The following GRID2 variants were observed in gnomAD, a reference collection of about 807,000 sequenced individuals.
GRID2 encodes the protein glutamate ionotropic receptor delta type subunit 2, also known as glutamate receptor ionotropic, delta-2.
Under a neutral mutation model 114.8 loss-of-function variants are expected in GRID2, and 33 were observed. The ratio of observed to expected loss-of-function variants is 0.29; its 90% confidence interval spans 0.22 to 0.38. The LOEUF is 0.38. GRID2 is among the 10% of genes least tolerant of loss of function. The probability of loss-of-function intolerance (pLI) is 1.00; values close to 1 mark genes in which losing one functional copy is unlikely to be tolerated. For synonymous variants in GRID2, 505 were observed against 449.9 expected (o/e 1.12, Z -1.55); for missense variants, 1,184 against 1,257.7 (o/e 0.94, Z 0.89).
intron 2 of GRID2, among the ~76,000 whole-genome samples, chr4:92,770,450 T>C (rs886983143): frequency 6.6e-6 from 1 of 152,198 alleles, no homozygotes; most frequent in Non-Finnish European, 1.5e-5. Flanking sequence ...TTTGGGTATC[T>C]TTTCAGCAGT....
intron 2 of GRID2, among the ~76,000 whole-genome samples, chr4:92,891,651 A>G (rs1289258946): frequency 6.6e-6 from 1 of 152,198 alleles, no homozygotes; most frequent in Non-Finnish European, 1.5e-5. Flanking sequence ...AGGAAGACGT[A>G]AAATTTTCCT....
rs1167054959 is a variant in GRID2, at chr4:92,937,074, G to A, written c.245-147921G>A. On this transcript the variant is annotated intron_variant, in intron 2 of 15. Transcript: ENST00000282020. Reference sequence around the variant, plus strand: ...CTTGTGAAAGTTCTTTATACTTTCTGCATACTAGGCGGTTATCAGATATAA... The same window carrying A: ...CTTGTGAAAGTTCTTTATACTTTCTACATACTAGGCGGTTATCAGATATAA... Among the ~76,000 whole-genome samples, 2 of 146,232 alleles carry A rather than the reference G, an allele frequency of 1.4e-5. 1 individual carries two copies. The highest frequency in any genetic ancestry group is 4.3e-4 in the East Asian group (2 of 4,622).
chr4:92,720,241 A>C (rs994054601), intron 2 of GRID2, among the ~76,000 whole-genome samples: 70 of 152,226 alleles, frequency 4.6e-4, no homozygotes, highest in African/African-American at 1.6e-3. Flanking sequence ...AGAAAATTAC[A>C]CAGGTAAAAT....
At chr4:93,148,294 A>G (rs1218931672) in intron 4 of GRID2, among the ~76,000 whole-genome samples, 1 of 152,180 alleles carries the variant, frequency 6.6e-6, no homozygotes, top group East Asian at 1.9e-4. Context: ...TGCCAACTTC[A>G]TAAATGGCAC....
At chr4:92,668,696 A>G (rs1261447464) in intron 2 of GRID2, among the ~76,000 whole-genome samples, 1 of 151,848 alleles carries the variant, frequency 6.6e-6, no homozygotes, top group African/African-American at 2.4e-5. Flanking sequence ...CTTTAGCATG[A>G]CTTACCCATC....
At chr4:93,214,028 T>G (rs1743898214) in intron 5 of GRID2, among the ~76,000 whole-genome samples, 1 of 152,060 alleles carries the variant, frequency 6.6e-6, no homozygotes, top group Admixed American at 6.6e-5. Flanking sequence ...GCAATGTTAA[T>G]TCTACTTTTA....
chr4:92,515,235 T>C (rs190462632), intron 1 of GRID2, among the ~76,000 whole-genome samples: 160 of 152,052 alleles, frequency 1.1e-3, no homozygotes, highest in Admixed American at 3.1e-3. Flanking sequence ...TGTTCACCAT[T>C]TTTTATTTCT....
intron 2 of GRID2, among the ~76,000 whole-genome samples, chr4:92,603,490 C>T (rs1729318266): frequency 6.6e-6 from 1 of 152,066 alleles, no homozygotes; most frequent in South Asian, 2.1e-4. Context: ...AACTGGCCAG[C>T]CATACTTAGA....
Position 93,448,237 on chromosome 4 carries a change from C to T in GRID2, c.1546-7425C>T, listed in dbSNP as rs149474508. ...CAGATTTTATTTAAAATTTTCAAAACGTTAACTGGAAAAAAAGGAGTAAAA... is the reference window on the plus strand; with the variant it reads ...CAGATTTTATTTAAAATTTTCAAAATGTTAACTGGAAAAAAAGGAGTAAAA... On this transcript the variant is annotated intron_variant, in intron 10 of 15. Coordinates refer to ENST00000282020, the MANE Select transcript of GRID2 (RefSeq NM_001510.4). Among the ~76,000 whole-genome samples, 258 of 151,354 alleles carry T rather than the reference C, an allele frequency of 1.7e-3. 1 individual carries two copies. Among genetic ancestry groups the T allele is most frequent in the Non-Finnish European group, 2.8e-3 (192 of 67,740 alleles).
At chr4:92,935,831 A>G (rs1484714393) in intron 2 of GRID2, among the ~76,000 whole-genome samples, 1 of 143,138 alleles carries the variant, frequency 7.0e-6, no homozygotes, top group Non-Finnish European at 1.5e-5. Context: ...TGGGAATTGA[A>G]TAATGAGAAC....
intron 2 of GRID2, among the ~76,000 whole-genome samples, chr4:92,653,803 C>T (rs939319204): frequency 1.3e-5 from 2 of 152,046 alleles, no homozygotes; most frequent in African/African-American, 4.8e-5. Context: ...TCAGTGTGGG[C>T]TCATGCCCAA....
intron 11 of GRID2, among the ~76,000 whole-genome samples, chr4:93,481,254 C>A (rs773218112): frequency 4.6e-5 from 7 of 152,004 alleles, no homozygotes; most frequent in Non-Finnish European, 7.4e-5. Flanking sequence ...AGCATTTGTG[C>A]AGAAGAAGGC....
At chr4:92,959,165 G>T (rs1339446284) in intron 2 of GRID2, among the ~76,000 whole-genome samples, 1 of 116,074 alleles carries the variant, frequency 8.6e-6, no homozygotes. Flanking sequence ...TTTCTCTATT[G>T]GCTTCCTGTT....
chr4:93,039,339 G>A (rs868012701), intron 2 of GRID2, among the ~76,000 whole-genome samples: 1 of 151,890 alleles, frequency 6.6e-6, no homozygotes, highest in Admixed American at 6.6e-5. Flanking sequence ...GCTAGGGGAG[G>A]GATAGCATTA....
At chr4:93,146,946 T>G (rs1003994179) in intron 4 of GRID2, among the ~76,000 whole-genome samples, 2 of 152,190 alleles carry the variant, frequency 1.3e-5, no homozygotes, top group Non-Finnish European at 2.9e-5. Context: ...TATTCTTACA[T>G]AATTTTCTAA....
Position 93,110,928 on chromosome 4 carries a change from C to A in GRID2, c.710C>A (p.Ala237Asp). The change falls in exon 4 of 16, where the codon GCT (alanine) becomes GAT (aspartate). Residue 237 changes from alanine to aspartate, a missense_variant. Transcript: ENST00000282020. ...CGAGCGATCCTTGTTATGAATCCTG[C>A]TACAGCCAAATCCTTCATTACTGAG... ...LRRAILVMNP[A>D]TAKSFITEVV... is the part of the protein sequence containing the mutation. The A allele has an allele frequency of 1.2e-6, 2 of 1,610,416 alleles. No homozygotes were observed. Among genetic ancestry groups the A allele is most frequent in the Non-Finnish European group, 1.7e-6 (2 of 1,176,616 alleles).
intron 1 of GRID2, among the ~76,000 whole-genome samples, chr4:92,339,494 C>T (rs187887422): frequency 8.9e-4 from 135 of 152,086 alleles, no homozygotes; most frequent in African/African-American, 3.1e-3. Flanking sequence ...ATATATTTAC[C>T]AGGCATGGTG....
intron 2 of GRID2, among the ~76,000 whole-genome samples, chr4:93,040,585 A>C (rs1725417402): frequency 6.6e-6 from 1 of 152,114 alleles, no homozygotes; most frequent in South Asian, 2.1e-4. Context: ...ATATCATATT[A>C]ATTCTGTCCT....
At chr4:93,808,984 G>A (rs10024650) in exon 2 of GRID2, 50,059 of 152,052 alleles carry the variant, frequency 0.33, 9,224 homozygotes, top group Non-Finnish European at 0.41. Flanking sequence ...CAAGGATTTG[G>A]TGACACATTT....
Sources: allele counts gnomAD v4.1 joint callset (sites outside exome capture counted in the v4.1 genomes callset), GRCh38; gene constraint gnomAD v4.1.1; transcripts MANE v1.5; gene names NCBI Gene and HGNC (gene_info 2026-07-23, HGNC 2026-07-21).